The following ULK2 variants were observed in gnomAD, a reference collection of about 807,000 sequenced individuals.
ULK2 encodes the protein unc-51 like autophagy activating kinase 2.
ULK2 carries 76 observed loss-of-function variants against 127.5 expected under a neutral mutation model. The observed-to-expected ratio is 0.60, with a 90% confidence interval of 0.50 to 0.72. The LOEUF is 0.72. Ranked by LOEUF, ULK2 falls within the 30% of genes least tolerant of loss-of-function variation. ULK2 has a pLI of 0.00. For missense variants in ULK2, 1,144 were observed against 1,295.9 expected, an observed-to-expected ratio of 0.88 and a Z score of 1.80; for synonymous variants, 452 against 461.9, an observed-to-expected ratio of 0.98 and a Z score of 0.28.
intron 8 of ULK2, among the ~76,000 whole-genome samples, chr17:19,841,851 A>G (rs1412938288): frequency 6.6e-6 from 1 of 152,174 alleles, no homozygotes; most frequent in Non-Finnish European, 1.5e-5. Context: ...ACATCTGAGT[A>G]TAACGTACCT....
At chr17:19,855,507 G>A (rs2152401053) in intron 3 of ULK2, among the ~76,000 whole-genome samples, 2 of 151,084 alleles carry the variant, frequency 1.3e-5, no homozygotes, top group South Asian at 4.2e-4. Context: ...AGCTAAGGCA[G>A]GAGAATCACT....
At chr17:19,781,610 T>C (rs2086921526) in intron 23 of ULK2, among the ~76,000 whole-genome samples, 1 of 152,164 alleles carries the variant, frequency 6.6e-6, no homozygotes, top group Admixed American at 6.6e-5. Context: ...GTTAAAGATG[T>C]GTGTACTGTG....
At chr17:19,839,510 C>T (rs879718719) in intron 9 of ULK2, among the ~76,000 whole-genome samples, 4 of 147,620 alleles carry the variant, frequency 2.7e-5, no homozygotes, top group African/African-American at 5.1e-5. Context: ...ACTAAAAATA[C>T]AAAAATTGGC....
At chr17:19,797,351 G>C in intron 18 of ULK2, 45 bp downstream of exon 18, 1 of 1,551,778 alleles carries the variant, frequency 6.4e-7, no homozygotes, top group Non-Finnish European at 8.7e-7. Context: ...TTTCCATAAA[G>C]TACTATACCA....
intron 9 of ULK2, 90 bp downstream of exon 9, chr17:19,841,395 GAATT>G: frequency 7.9e-7 from 1 of 1,262,256 alleles, no homozygotes. Flanking sequence ...AACTGAAAAA[GAATT>G]AAAAAATGAG....
At chr17:19,857,121 T>TA (rs752374648) in intron 3 of ULK2, among the ~76,000 whole-genome samples, 113 of 148,868 alleles carry the variant, frequency 7.6e-4, no homozygotes, top group Non-Finnish European at 1.5e-3. Context: ...GGCTGGCCAA[T>TA]ACGGCAAAAC....
At chr17:19,788,224 A>C (rs887767750) in intron 20 of ULK2, among the ~76,000 whole-genome samples, 1 of 152,102 alleles carries the variant, frequency 6.6e-6, no homozygotes, top group African/African-American at 2.4e-5. Flanking sequence ...TTAGAGAGAC[A>C]TCAGACAGGG....
At chr17:19,815,928 T>C (rs1275400741) in intron 13 of ULK2, among the ~76,000 whole-genome samples, 11 of 152,146 alleles carry the variant, frequency 7.2e-5, no homozygotes, top group Non-Finnish European at 1.5e-5. Flanking sequence ...TAACTCTCAG[T>C]TCTCATAATG....
Position 19,808,924 on chromosome 17 carries a change from A to C in ULK2, c.1157+1454T>G, listed in dbSNP as rs9891353. On this transcript the variant is annotated intron_variant, in intron 14 of 26. Coordinates refer to ENST00000395544, the MANE Select transcript of ULK2 (RefSeq NM_014683.4). ...TGATCCAGCAATCTCACTTCTTGGT[A>C]CATATCCAAAGGTACTGAAAGCAGG... Among the ~76,000 whole-genome samples the C allele has an allele frequency of 6.4e-3, 973 of 152,338 alleles. 12 individuals carry two copies. The highest frequency in any genetic ancestry group is 0.022 in the African/African-American group (900 of 41,572).
chr17:19,856,747 C>T (rs1407488081), intron 3 of ULK2, among the ~76,000 whole-genome samples: 3 of 151,544 alleles, frequency 2.0e-5, no homozygotes, highest in African/African-American at 7.3e-5. Flanking sequence ...CCGAGGCGGG[C>T]AGATCACAAG....
rs773768882 is a variant in ULK2 at position 19,781,019 on chromosome 17, C to T, written c.2725G>A (p.Gly909Arg). 13 of 1,613,882 alleles carry T rather than the reference C, an allele frequency of 8.1e-6. No individual in the cohort carries two copies. Among genetic ancestry groups the T allele is most frequent in the South Asian group, 3.3e-5 (3 of 91,068 alleles). The change falls in exon 24 of 27, where the codon GGG becomes AGG. Residue 909 changes from glycine (G) to arginine (R), a missense_variant. Transcript: ENST00000395544. Reference sequence around the variant, plus strand: ...ACAGCTGTGGATGGGCTCAGTTTCCCGGACTTGATCTGGGCTTTGGCAAGA... The same window carrying T: ...ACAGCTGTGGATGGGCTCAGTTTCCTGGACTTGATCTGGGCTTTGGCAAGA... ...LHLAKAQIKS[G>R]KLSPSTAVKQ...
chr17:19,799,951 C>T (rs1184431325), intron 16 of ULK2, among the ~76,000 whole-genome samples: 1 of 152,208 alleles, frequency 6.6e-6, no homozygotes, highest in Admixed American at 6.6e-5. Flanking sequence ...CCTCTGGTGC[C>T]AAGGCTAGGC....
rs150841610 is a variant in ULK2 at position 19,777,595 on chromosome 17, T to G, written c.3038A>C (p.Glu1013Ala). Residue 1013 changes from glutamate (E) to alanine (A), a missense_variant, in exon 26 of 27, where the codon GAA (glutamate) becomes GCA (alanine). Coordinates refer to ENST00000395544, the MANE Select transcript of ULK2 (RefSeq NM_014683.4). ...AGTCAACTTACATTTATGCACATTT[T>G]CAATATCTGCAGGGTCCTGTAGAAT... is the stretch of plus-strand genomic sequence containing the variant. ...SRILQDPADIENVHKYKCSIE... is the reference protein window; with the variant it reads ...SRILQDPADIANVHKYKCSIE... 16 of 1,597,340 alleles carry G rather than the reference T, an allele frequency of 1.0e-5. No homozygotes were observed. The African/African-American group carries it at 1.6e-4, about 16-fold the overall frequency.
chr17:19,820,117 C>T (rs1312165208), intron 12 of ULK2, among the ~76,000 whole-genome samples: 1 of 149,600 alleles, frequency 6.7e-6, no homozygotes, highest in Admixed American at 6.7e-5. Context: ...GGCGTGATCT[C>T]GGCTCACTGC....
chr17:19,791,822 C>T (rs930069573), intron 20 of ULK2, among the ~76,000 whole-genome samples: 1 of 136,540 alleles, frequency 7.3e-6, no homozygotes. Flanking sequence ...CGTGCCACTG[C>T]ACTCCAGCAA....
In ULK2 at chr17:19,801,895, G is replaced by C. The variant is rs944084072; in HGVS notation, c.1323C>G (p.Thr441=). ...CCGGCCGGAGGAAGCCCATGGGGCT[G>C]GTGTTGGACCTTCGTACCACTGCAG... The part of the protein sequence containing the change: ...PRSAVVRRSN[T]SPMGFLRPGS... Residue 441 remains threonine, a synonymous_variant, in exon 16 of 27, where the codon ACC becomes ACG. Coordinates refer to ENST00000395544, the MANE Select transcript of ULK2 (RefSeq NM_014683.4). The C allele has an allele frequency of 6.2e-7, 1 of 1,612,980 alleles. No homozygotes were observed. The highest frequency in any genetic ancestry group is 1.3e-5 in the African/African-American group (1 of 74,852).
At chr17:19,830,992 A>G (rs1469889333) in intron 10 of ULK2, among the ~76,000 whole-genome samples, 1 of 147,170 alleles carries the variant, frequency 6.8e-6, no homozygotes, top group Non-Finnish European at 1.5e-5. Context: ...GCTCCACTGC[A>G]CTCCAGCCTG....
At chr17:19,783,519 G>T (rs2086963447) in intron 22 of ULK2, among the ~76,000 whole-genome samples, 178 bp downstream of exon 22, 1 of 152,112 alleles carries the variant, frequency 6.6e-6, no homozygotes, top group South Asian at 2.1e-4. Context: ...GCTTATTATG[G>T]ATGAGTGTCA....
intron 9 of ULK2, among the ~76,000 whole-genome samples, chr17:19,840,706 G>A (rs1419569360): frequency 1.3e-5 from 2 of 148,406 alleles, no homozygotes; most frequent in Non-Finnish European, 3.0e-5. Flanking sequence ...GTGAAACTCC[G>A]TGTCCACTAA....
Sources: allele counts gnomAD v4.1 joint callset (sites outside exome capture counted in the v4.1 genomes callset), GRCh38; gene constraint gnomAD v4.1.1; transcripts MANE v1.5; gene names NCBI Gene and HGNC (gene_info 2026-07-23, HGNC 2026-07-21).